The following SENP1 variants were observed in gnomAD, a reference collection of about 807,000 sequenced individuals.
SENP1 encodes the protein SUMO specific peptidase 1.
Under a neutral mutation model 93.0 loss-of-function variants are expected in SENP1, and 21 were observed. That is an observed-to-expected ratio of 0.23 (90% CI 0.16 to 0.33). The LOEUF (loss-of-function observed/expected upper bound fraction) is 0.33. Ranked by LOEUF, SENP1 falls within the 10% of genes least tolerant of loss-of-function variation. SENP1 has a pLI of 1.00. For synonymous variants in SENP1, 256 were observed against 259.6 expected (o/e 0.99, Z 0.13); for missense variants, 591 against 758.7 (o/e 0.78, Z 2.60).
At chr12:48,070,403 T>G (rs1943606631) in intron 9 of SENP1, among the ~76,000 whole-genome samples, 1 of 152,194 alleles carries the variant, frequency 6.6e-6, no homozygotes, top group Admixed American at 6.5e-5. Context: ...ATTTTCTTCA[T>G]AGCACTTATC....
chr12:48,064,991 G>T, intron 12 of SENP1, 74 bp downstream of exon 12: 1 of 1,140,986 alleles, frequency 8.8e-7, no homozygotes, highest in Non-Finnish European at 1.3e-6. Context: ...TTGCTTTTAT[G>T]TTTGAAACTC....
intron 17 of SENP1, among the ~76,000 whole-genome samples, chr12:48,045,999 T>C (rs1177576125): frequency 6.6e-6 from 1 of 152,034 alleles, no homozygotes; most frequent in African/African-American, 2.4e-5. Context: ...GAGATTGAGG[T>C]ATGGCCTATT....
chr12:48,103,850 TA>T (rs1227823189), intron 1 of SENP1, among the ~76,000 whole-genome samples: 1 of 152,100 alleles, frequency 6.6e-6, no homozygotes, highest in Non-Finnish European at 1.5e-5. Context: ...GAAACACTTA[TA>T]ACCTTACATA....
rs750735162 is a variant in SENP1 at position 48,088,945 on chromosome 12, T to C, written c.236A>G (p.Asp79Gly). The C allele has an allele frequency of 6.3e-7, 1 of 1,587,338 alleles. No individual in the cohort carries two copies. ...TAAATCGCCTGAGCCAAGAAAACTGTCTGAGGAAGGATTATCTAAAAAAAT... is the reference window on the plus strand; with the variant it reads ...TAAATCGCCTGAGCCAAGAAAACTGCCTGAGGAAGGATTATCTAAAAAAAT... Reference protein sequence around the residue: ...PSYYSDNPSSDSFLGSGDLRT... With the variant: ...PSYYSDNPSSGSFLGSGDLRT... The change falls in exon 5 of 18, where the codon GAC becomes GGC. Residue 79 changes from aspartate to glycine, a missense_variant. By Grantham distance (94) the Asp-to-Gly change is moderately conservative. Around this residue, in one of 4 missense-constraint regions of SENP1, gnomAD observed 214 missense variants for 243.4 expected, o/e 0.88. Transcript: ENST00000549518.
At chr12:48,105,029 C>T (rs1397363832) in intron 1 of SENP1, 1 of 175,782 alleles carries the variant, frequency 5.7e-6, no homozygotes, top group African/African-American at 2.4e-5. Flanking sequence ...TGTATTTCAA[C>T]ATGAGTCCTT....
intron 2 of SENP1, 114 bp from the exon 3 acceptor site, chr12:48,098,238 G>T: frequency 9.3e-7 from 1 of 1,073,852 alleles, no homozygotes; most frequent in Non-Finnish European, 1.3e-6. Flanking sequence ...GGTGTCTCAT[G>T]CCTGTAATCC....
At chr12:48,077,620 A>G (rs1406455850) in intron 6 of SENP1, among the ~76,000 whole-genome samples, 1 of 152,108 alleles carries the variant, frequency 6.6e-6, no homozygotes, top group Non-Finnish European at 1.5e-5. Flanking sequence ...TCTAGGGTAC[A>G]TGTACACAAC....
At chr12:48,053,081 T>C (rs187796415) in intron 13 of SENP1, among the ~76,000 whole-genome samples, 62 of 152,332 alleles carry the variant, frequency 4.1e-4, no homozygotes, top group African/African-American at 1.3e-3. Flanking sequence ...CTCTCTTTAC[T>C]GAGCATCACT....
intron 6 of SENP1, chr12:48,080,520 C>T (rs1448704321): frequency 6.6e-6 from 1 of 152,316 alleles, no homozygotes; most frequent in Non-Finnish European, 1.5e-5. Flanking sequence ...ATGGACAAAT[C>T]CGGCATTAAG....
chr12:48,051,203 G>T (rs892668798), intron 13 of SENP1, among the ~76,000 whole-genome samples: 1 of 152,090 alleles, frequency 6.6e-6, no homozygotes, highest in Non-Finnish European at 1.5e-5. Context: ...CCTGAGTTTT[G>T]CTTGTTTTTT....
rs1179616684 is a variant in SENP1 at position 48,088,855 on chromosome 12, A to G, written c.326T>C (p.Leu109Ser). Residue 109 changes from leucine (L) to serine (S), a missense_variant, in exon 5 of 18, where the codon TTA becomes TCA. Physicochemically the swap from Leu to Ser is moderately radical, Grantham distance 145. This residue lies in a region of SENP1 where 214 missense variants were observed against 243.4 expected (regional missense o/e 0.88). Coordinates refer to ENST00000549518, the MANE Select transcript of SENP1 (RefSeq NM_001267594.2). ...RNSTPSSSSS[L>S]QKSRNSRSLY... ...ACTTCGGCTGTTTCTTGATTTTTGT[A>G]AAGATGAGCTTGACGATGGGGTAGA... 21 of 1,607,992 alleles carry G rather than the reference A, an allele frequency of 1.3e-5. No homozygotes were observed. The highest frequency in any genetic ancestry group is 1.8e-5 in the Non-Finnish European group (21 of 1,177,030).
chr12:48,057,202 A>G (rs1246083132), intron 13 of SENP1, among the ~76,000 whole-genome samples: 3 of 136,578 alleles, frequency 2.2e-5, no homozygotes, highest in East Asian at 2.0e-4. Context: ...CATTACATAT[A>G]TATTATTTAT....
intron 6 of SENP1, among the ~76,000 whole-genome samples, chr12:48,082,376 CAGAA>C (rs1944550996): frequency 6.6e-6 from 1 of 152,200 alleles, no homozygotes; most frequent in Non-Finnish European, 1.5e-5. Flanking sequence ...TGTTGTATAA[CAGAA>C]AGCATACTTG....
At chr12:48,072,325 GT>G (rs1943763842) in intron 8 of SENP1, among the ~76,000 whole-genome samples, 1 of 152,130 alleles carries the variant, frequency 6.6e-6, no homozygotes, top group South Asian at 2.1e-4. Flanking sequence ...CAGTGCTTGT[GT>G]TCAGTAACCC....
chr12:48,088,903 C>T lies in SENP1; in HGVS notation c.278G>A (p.Ser93Asn), dbSNP rs1317075675. 2 of 1,599,956 alleles carry T rather than the reference C, an allele frequency of 1.3e-6. No homozygotes were observed. The highest frequency in any genetic ancestry group is 1.7e-5 in the Admixed American group (1 of 57,356). Residue 93 changes from serine (S) to asparagine (N), a missense_variant, in exon 5 of 18, where the codon AGT (serine) becomes AAT (asparagine). Coordinates refer to ENST00000549518, the MANE Select transcript of SENP1 (RefSeq NM_001267594.2). Reference sequence around the variant, plus strand: ...AGAATTTCTCCATTGGCCATTTGCACTCTGGCCAAAGGTTCTTAAATCGCC... The same window carrying T: ...AGAATTTCTCCATTGGCCATTTGCATTCTGGCCAAAGGTTCTTAAATCGCC... ...GSGDLRTFGQ[S>N]ANGQWRNSTP...
In SENP1 at chr12:48,096,355, T is replaced by C; in HGVS notation, c.208A>G (p.Ser70Gly). The change falls in exon 4 of 18, where the codon AGC becomes GGC. Residue 70 changes from serine (S) to glycine (G), a missense_variant. By Grantham distance (56) the Ser-to-Gly change is moderately conservative. This residue lies in a region of SENP1 where 214 missense variants were observed against 243.4 expected (regional missense o/e 0.88). Coordinates refer to ENST00000549518, the MANE Select transcript of SENP1 (RefSeq NM_001267594.2). ...TAATGTGTCATACCTGAGTAATAGC[T>C]TGGATTATAAGCTGCACTTCTTGTG... The part of the protein sequence containing the change: ...CSTRSAAYNP[S>G]YYSDNPSSDS... 4 of 1,600,080 alleles carry C rather than the reference T, an allele frequency of 2.5e-6. No individual in the cohort carries two copies. Among genetic ancestry groups the C allele is most frequent in the Non-Finnish European group, 3.4e-6 (4 of 1,167,824 alleles).
chr12:48,088,392 G>C (rs1381697268), intron 5 of SENP1, among the ~76,000 whole-genome samples: 5 of 152,154 alleles, frequency 3.3e-5, no homozygotes, highest in Non-Finnish European at 7.4e-5. Context: ...AAGTAGCTTG[G>C]TCTACTTGAC....
chr12:48,070,206 T>C (rs1565768651), intron 9 of SENP1, among the ~76,000 whole-genome samples: 1 of 152,116 alleles, frequency 6.6e-6, no homozygotes, highest in Admixed American at 6.6e-5. Context: ...AGGTAAGAAA[T>C]GCTTATTGTA....
At chr12:48,083,953 T>C (rs568924707) in intron 5 of SENP1, among the ~76,000 whole-genome samples, 191 bp from the exon 6 acceptor site, 49 of 152,340 alleles carry the variant, frequency 3.2e-4, no homozygotes, top group African/African-American at 1.2e-3. Flanking sequence ...GTTCTGCCAC[T>C]TAAAAGATCT....
Sources: gnomAD v4.1 joint callset for allele counts (sites outside exome capture counted in the v4.1 genomes callset) on GRCh38, gnomAD v4.1.1 for gene constraint, gnomAD v4.1.1 regional missense constraint, MANE v1.5 for transcripts, NCBI Gene and HGNC (gene_info 2026-07-23, HGNC 2026-07-21) for gene names.